Variants in PCSK6 observed in about 807,000 individuals in gnomAD.
PCSK6 encodes the protein paired basic amino acid cleaving enzyme 4.
Under a neutral mutation model 123.3 loss-of-function variants are expected in PCSK6, and 85 were observed. The ratio of observed to expected loss-of-function variants is 0.69; its 90% CI spans 0.58 to 0.83. The LOEUF (loss-of-function observed/expected upper bound fraction) is 0.83. Ranked by LOEUF, PCSK6 falls within the 40% of genes least tolerant of loss-of-function variation. PCSK6 has a pLI of 0.00. For missense variants in PCSK6, 1,191 were observed against 1,282.3 expected (o/e 0.93, Z 1.09); for synonymous variants, 508 against 516.0 (o/e 0.98, Z 0.21).
intron 6 of PCSK6, among the ~76,000 whole-genome samples, chr15:101,408,204 C>T (rs2042835876): frequency 6.6e-6 from 1 of 152,242 alleles, no homozygotes; most frequent in Admixed American, 6.5e-5. Context: ...GAAAGCAAAC[C>T]CATATCCTGA....
At chr15:101,431,299 C>T in intron 4 of PCSK6, 21 bp downstream of exon 4, 1 of 1,613,044 alleles carries the variant, frequency 6.2e-7, no homozygotes, top group Non-Finnish European at 8.5e-7. Flanking sequence ...ATTTGCATGT[C>T]AGTTCCGAGG....
chr15:101,324,477 C>A (rs1310237157), intron 17 of PCSK6, among the ~76,000 whole-genome samples: 1 of 152,210 alleles, frequency 6.6e-6, no homozygotes, highest in Non-Finnish European at 1.5e-5. Flanking sequence ...ACAGCACAGA[C>A]AGCAGGACCT....
intron 2 of PCSK6, among the ~76,000 whole-genome samples, chr15:101,441,420 C>G (rs2141146411): frequency 6.6e-6 from 1 of 152,190 alleles, no homozygotes; most frequent in South Asian, 2.1e-4. Context: ...CTCCCATCCC[C>G]ATCTTCACCG....
At chr15:101,369,514 T>A (rs1327305268) in intron 12 of PCSK6, among the ~76,000 whole-genome samples, 1 of 152,182 alleles carries the variant, frequency 6.6e-6, no homozygotes, top group African/African-American at 2.4e-5. Flanking sequence ...CTGCAGATGA[T>A]GTGGGCACAG....
intron 6 of PCSK6, among the ~76,000 whole-genome samples, chr15:101,421,791 T>C (rs532316905): frequency 6.6e-6 from 1 of 152,270 alleles, no homozygotes; most frequent in East Asian, 1.9e-4. Context: ...GGAAAACAAG[T>C]GTTTGTTGTT....
At chr15:101,311,339 C>G (rs2039858670) in intron 20 of PCSK6, among the ~76,000 whole-genome samples, 1 of 144,136 alleles carries the variant, frequency 6.9e-6, no homozygotes, top group Non-Finnish European at 1.5e-5. Context: ...GTTGGCCAGG[C>G]TGGTCTTGAA....
chr15:101,409,632 C>T (rs1003385730), intron 6 of PCSK6, among the ~76,000 whole-genome samples: 28 of 151,628 alleles, frequency 1.8e-4, no homozygotes, highest in African/African-American at 6.1e-4. Context: ...TGCAGTGTCC[C>T]TCATGACACC....
rs866494106 is a variant in PCSK6, at chr15:101,392,236, C to T, written c.1209+976G>A. Reference sequence around the variant, plus strand: ...GACACCATTCAGCATCTCAGCTGCCCGTCCCAGGGGTGCGTACTCCAGCAG... The same window carrying T: ...GACACCATTCAGCATCTCAGCTGCCTGTCCCAGGGGTGCGTACTCCAGCAG... On this transcript the variant is annotated intron_variant, in intron 8 of 21. Coordinates refer to ENST00000611716, the MANE Select transcript of PCSK6 (RefSeq NM_002570.5). Among the ~76,000 whole-genome samples, 18 of 152,300 alleles carry T rather than the reference C, an allele frequency of 1.2e-4. No individual in the cohort carries two copies. The South Asian group carries it at 3.7e-3, about 32-fold the overall frequency.
At chr15:101,437,087 G>A (rs1443682732) in intron 2 of PCSK6, among the ~76,000 whole-genome samples, 2 of 152,134 alleles carry the variant, frequency 1.3e-5, no homozygotes, top group South Asian at 2.1e-4. Context: ...TCTGGAGAGC[G>A]AGAGGCCCCA....
chr15:101,446,077 C>A (rs566107955), intron 1 of PCSK6, among the ~76,000 whole-genome samples: 1 of 152,374 alleles, frequency 6.6e-6, no homozygotes, highest in South Asian at 2.1e-4. Context: ...GCTGACCAGG[C>A]CAACCACCTC....
intron 11 of PCSK6, among the ~76,000 whole-genome samples, chr15:101,375,607 C>T (rs901492084): frequency 6.6e-6 from 1 of 152,224 alleles, no homozygotes; most frequent in African/African-American, 2.4e-5. Context: ...CCCAAACTAA[C>T]ACCTGCGGCA....
intron 1 of PCSK6, 42 bp downstream of exon 1, chr15:101,489,332 C>CA: frequency 9.0e-7 from 1 of 1,106,238 alleles, no homozygotes; most frequent in Non-Finnish European, 1.1e-6. Context: ...GCGCCGGAGG[C>CA]CGCCGGGAAA....
intron 1 of PCSK6, among the ~76,000 whole-genome samples, chr15:101,444,432 A>G (rs1033414509): frequency 1.3e-5 from 2 of 152,138 alleles, no homozygotes; most frequent in African/African-American, 4.8e-5. Context: ...CCATCCTCCA[A>G]AAAGGATTTT....
chr15:101,375,114 G>C (rs1327603446), intron 11 of PCSK6, among the ~76,000 whole-genome samples: 1 of 152,026 alleles, frequency 6.6e-6, no homozygotes, highest in Non-Finnish European at 1.5e-5. Context: ...CACCATGCCC[G>C]GCCAATGTTT....
At position 101,489,503 on chromosome 15, in the gene PCSK6, C is replaced by T. The variant is rs189987207; in HGVS notation, c.168G>A (p.Ala56=). Residue 56 remains alanine, a synonymous_variant, in exon 1 of 22, where the codon GCG becomes GCA. Coordinates refer to ENST00000611716, the MANE Select transcript of PCSK6 (RefSeq NM_002570.5). ...GGGGCGCGGAGCAGGCGGCAGGCAG[C>T]GCCAGCAGCAGCAGCCAGCGCCAGG... is the stretch of plus-strand genomic sequence containing the variant. The part of the protein sequence containing the change: ...PRPWRWLLLL[A]LPAACSAPPP... 18 of 1,053,032 alleles carry T rather than the reference C, an allele frequency of 1.7e-5. No individual in the cohort carries two copies. In the South Asian group the frequency reaches 4.1e-4, roughly 24 times the overall value. The allele number at this position is 1,053,032 out of a possible 1,614,324, so 65.2% of individuals were successfully genotyped here.
chr15:101,443,503 G>A (rs1254889466), intron 2 of PCSK6, 53 bp downstream of exon 2: 33 of 1,259,822 alleles, frequency 2.6e-5, no homozygotes, highest in South Asian at 3.8e-5. Context: ...CCATTTTTAA[G>A]ACCACAGACC....
chr15:101,312,855 A>G (rs1211848791), intron 20 of PCSK6, among the ~76,000 whole-genome samples: 1 of 151,992 alleles, frequency 6.6e-6, no homozygotes, highest in Non-Finnish European at 1.5e-5. Flanking sequence ...AAAAACAAAA[A>G]TTAGCTGGGC....
At chr15:101,461,890 T>G (rs1413705097) in intron 1 of PCSK6, among the ~76,000 whole-genome samples, 1 of 152,154 alleles carries the variant, frequency 6.6e-6, no homozygotes. Context: ...CTGAAAGCAC[T>G]CCCTTTAAAA....
chr15:101,475,652 A>ATTT (rs35792381), intron 1 of PCSK6, among the ~76,000 whole-genome samples: 58 of 122,678 alleles, frequency 4.7e-4, no homozygotes, highest in Non-Finnish European at 6.5e-4. Flanking sequence ...CACTTGGCTA[A>ATTT]TTTTTTTTTT....
Sources: gnomAD v4.1 joint callset for allele counts (sites outside exome capture counted in the v4.1 genomes callset) on GRCh38, gnomAD v4.1.1 for gene constraint, MANE v1.5 for transcripts, NCBI Gene and HGNC (gene_info 2026-07-23, HGNC 2026-07-21) for gene names.